The following LANCL1 variants were observed in gnomAD, a reference collection of about 807,000 sequenced individuals.
LANCL1 encodes glutathione S-transferase LANCL1.
In LANCL1, 50 loss-of-function variants were observed where a neutral mutation model predicts 50.6. That is an observed-to-expected ratio of 0.99 (90% confidence interval 0.79 to 1.25). The LOEUF is 1.25. Ranked by LOEUF, LANCL1 falls within the 50% of genes most tolerant of loss-of-function variation. The pLI is 0.00. For missense variants in LANCL1, 532 were observed against 480.7 expected, an observed-to-expected ratio of 1.11 and a Z score of -1.00; for synonymous variants, 188 against 178.6, an observed-to-expected ratio of 1.05 and a Z score of -0.42.
chr2:210,432,001 GA>G lies in LANCL1; in HGVS notation c.*2485del, dbSNP rs1692761337. On this transcript the variant is annotated 3_prime_UTR_variant, in exon 10 of 10. Transcript: ENST00000450366. ...TTACCTAGTCCCTGTATAGAGATAAGAGATGATGGTATTGAGTTTTCTAGGA... is the reference window on the plus strand; with the variant it reads ...TTACCTAGTCCCTGTATAGAGATAAGGATGATGGTATTGAGTTTTCTAGGA... 2 of 152,170 alleles carry G rather than the reference GA, an allele frequency of 1.3e-5. No homozygotes were observed. The highest frequency in any genetic ancestry group is 6.5e-5 in the Admixed American group (1 of 15,276). The allele number at this position is 152,170 out of a possible 1,614,324, so 9.4% of individuals were successfully genotyped here.
chr2:210,448,126 G>A (rs1217317516), intron 4 of LANCL1, among the ~76,000 whole-genome samples: 1 of 152,052 alleles, frequency 6.6e-6, no homozygotes, highest in Non-Finnish European at 1.5e-5. Context: ...CTCAGCAAAT[G>A]GAAAAGAATG....
At chr2:210,460,598 G>A (rs1307239966) in intron 3 of LANCL1, 4 of 152,164 alleles carry the variant, frequency 2.6e-5, no homozygotes, top group Non-Finnish European at 4.4e-5. Context: ...TGTGCTGAAT[G>A]TTGACCATGT....
At chr2:210,444,955 C>T (rs971348801) in intron 4 of LANCL1, among the ~76,000 whole-genome samples, 2 of 151,026 alleles carry the variant, frequency 1.3e-5, no homozygotes, top group East Asian at 1.9e-4. Flanking sequence ...TTTCTCATTC[C>T]AGAACTGGGA....
chr2:210,467,507 C>T (rs1006474007), intron 3 of LANCL1, among the ~76,000 whole-genome samples: 1 of 152,098 alleles, frequency 6.6e-6, no homozygotes, highest in Non-Finnish European at 1.5e-5. Context: ...TTTTCCCTTC[C>T]TTATGATTTT....
chr2:210,467,515 TTTC>T (rs1387012522), intron 3 of LANCL1, among the ~76,000 whole-genome samples: 8 of 152,216 alleles, frequency 5.3e-5, no homozygotes, highest in African/African-American at 1.7e-4. Context: ...TCCTTATGAT[TTTC>T]TTAACATTTT....
At position 210,436,241 on chromosome 2, in the gene LANCL1, A is replaced by AT. The variant is rs1559704783; in HGVS notation, c.1024dup (p.Met342AsnfsTer6). On this transcript the variant is annotated frameshift_variant, in exon 8 of 10. Coordinates refer to ENST00000450366, the MANE Select transcript of LANCL1 (RefSeq NM_006055.3). LOFTEE classifies it high-confidence loss of function. ...CTTACAGGCCCTATACAGGTACTTC[A>AT]TGTCCTGTGTGAGGTTGTAGAGTGT... 6.2e-7 allele frequency: 1 copy of AT among 1,613,898 alleles called. No homozygotes were observed. The highest frequency in any genetic ancestry group is 8.5e-7 in the Non-Finnish European group (1 of 1,179,920).
intron 2 of LANCL1, among the ~76,000 whole-genome samples, chr2:210,475,337 AT>A (rs1183630515): frequency 6.6e-6 from 1 of 152,058 alleles, no homozygotes; most frequent in East Asian, 1.9e-4. Context: ...ACTAAATTTT[AT>A]TTTTTTATTT....
chr2:210,434,598 C>G, intron 9 of LANCL1, 35 bp from the exon 10 acceptor site: 1 of 1,486,704 alleles, frequency 6.7e-7, no homozygotes, highest in Non-Finnish European at 9.4e-7. Context: ...GTTATTATAC[C>G]AAATGACTCC....
chr2:210,465,260 T>C (rs1189822784), intron 3 of LANCL1, among the ~76,000 whole-genome samples: 1 of 152,258 alleles, frequency 6.6e-6, no homozygotes, highest in Non-Finnish European at 1.5e-5. Flanking sequence ...GATTCTTGCA[T>C]ATTTTTAATT....
Position 210,433,693 on chromosome 2 carries a change from CA to C in LANCL1, c.*793del, listed in dbSNP as rs548429486. The C allele has an allele frequency of 4.3e-4, 66 of 152,214 alleles. No individual in the cohort carries two copies. Among genetic ancestry groups the C allele is most frequent in the African/African-American group, 1.5e-3 (64 of 41,536 alleles). The allele number at this position is 152,214 out of a possible 1,614,324, so 9.4% of individuals were successfully genotyped here. On this transcript the variant is annotated 3_prime_UTR_variant, in exon 10 of 10. Coordinates refer to ENST00000450366, the MANE Select transcript of LANCL1 (RefSeq NM_006055.3). ...TCTTATTTGAATACTGAAAAACACA[CA>C]TATTTAAATAAAGAGTTCCAAAAAA...
chr2:210,437,861 T>C lies in LANCL1; in HGVS notation c.702A>G (p.Gln234=). 1 of 1,589,694 alleles carries C rather than the reference T, an allele frequency of 6.3e-7. No homozygotes were observed. The highest frequency in any genetic ancestry group is 8.5e-7 in the Non-Finnish European group (1 of 1,170,026). ...IYYYLMQPSL[Q]VSQGKLHSLV... is the part of the protein sequence containing the mutation. ...AACTATGTAACTTCCCTTGGCTCAC[T>C]TGAAGGCTGGGCTAAAAATGAGAAG... The change falls in exon 7 of 10, where the codon CAA becomes CAG. Residue 234 remains glutamine (Q), a synonymous_variant. Coordinates refer to ENST00000450366, the MANE Select transcript of LANCL1 (RefSeq NM_006055.3).
chr2:210,440,599 T>G lies in LANCL1; in HGVS notation c.689A>C (p.Gln230Pro). 1 of 1,611,564 alleles carries G rather than the reference T, an allele frequency of 6.2e-7. No individual in the cohort carries two copies. The change falls in exon 6 of 10, where the codon CAG (glutamine) becomes CCG (proline). Residue 230 changes from glutamine (Q) to proline (P), a missense_variant and splice_region_variant. Coordinates refer to ENST00000450366, the MANE Select transcript of LANCL1 (RefSeq NM_006055.3). ...AATTTCACCATAATCACTCCTTACC[T>G]GCATCAGGTAGTAATAAATTCCAGC... The part of the protein sequence containing the change: ...GLAGIYYYLM[Q>P]PSLQVSQGKL...
rs986998045 is a variant in LANCL1 at position 210,432,689 on chromosome 2, T to G, written c.*1798A>C. On this transcript the variant is annotated 3_prime_UTR_variant, in exon 10 of 10. Coordinates refer to ENST00000450366, the MANE Select transcript of LANCL1 (RefSeq NM_006055.3). Reference sequence around the variant, plus strand: ...ATTTAACTAAACCAAATGAGCTTTATTCTTTCAAGCTGAACACCCCAGGCA... The same window carrying G: ...ATTTAACTAAACCAAATGAGCTTTAGTCTTTCAAGCTGAACACCCCAGGCA... 1 of 152,254 alleles carries G rather than the reference T, an allele frequency of 6.6e-6. No homozygotes were observed. The highest frequency in any genetic ancestry group is 2.4e-5 in the African/African-American group (1 of 41,466). The allele number at this position is 152,254 out of a possible 1,614,324, so 9.4% of individuals were successfully genotyped here. A position where few individuals can be genotyped will look rare whatever the true frequency, so the allele number is the denominator to read the frequency against.
At position 210,472,434 on chromosome 2, in the gene LANCL1, T is replaced by C. The variant is rs551552500; in HGVS notation, c.82-358A>G. ...AGCACAAATCAGATGTTTGGTGCTT[T>C]CAAACTACTGGATTTTTAGTATTCA... On this transcript the variant is annotated intron_variant, in intron 2 of 9. Transcript: ENST00000450366. Among the ~76,000 whole-genome samples the C allele has an allele frequency of 2.1e-4, 32 of 152,326 alleles. No individual in the cohort carries two copies. The South Asian group carries it at 6.6e-3, about 32-fold the overall frequency.
intron 3 of LANCL1, among the ~76,000 whole-genome samples, chr2:210,458,434 G>A (rs919943192): frequency 1.3e-5 from 2 of 152,144 alleles, no homozygotes; most frequent in African/African-American, 4.8e-5. Flanking sequence ...ACTTAGATTT[G>A]TTTTGTTAAA....
At chr2:210,476,555 C>A in intron 1 of LANCL1, 65 bp downstream of exon 1, 1 of 1,397,662 alleles carries the variant, frequency 7.2e-7, no homozygotes, top group Non-Finnish European at 9.3e-7. Context: ...GACCTCGGGC[C>A]CACTGCGGCC....
At chr2:210,472,597 T>C (rs1694257010) in intron 2 of LANCL1, among the ~76,000 whole-genome samples, 1 of 152,168 alleles carries the variant, frequency 6.6e-6, no homozygotes, top group Non-Finnish European at 1.5e-5. Flanking sequence ...ATAGAAAGAA[T>C]ATCAAACTTA....
intron 6 of LANCL1, among the ~76,000 whole-genome samples, chr2:210,439,441 A>G (rs1285203378): frequency 6.6e-6 from 1 of 152,192 alleles, no homozygotes; most frequent in Non-Finnish European, 1.5e-5. Flanking sequence ...GAGGGCCTCT[A>G]GTATGTTTGA....
chr2:210,451,840 T>G (rs371444472), intron 4 of LANCL1, among the ~76,000 whole-genome samples: 340 of 152,330 alleles, frequency 2.2e-3, no homozygotes, highest in African/African-American at 7.8e-3. Context: ...TAATGGAATA[T>G]TATTCAGTCA....
Sources: gnomAD v4.1 joint callset for allele counts (sites outside exome capture counted in the v4.1 genomes callset) on GRCh38, gnomAD v4.1.1 for gene constraint, MANE v1.5 for transcripts, NCBI Gene and HGNC (gene_info 2026-07-23, HGNC 2026-07-21) for gene names.